Variants in FAM171B observed in about 807,000 individuals in gnomAD.
FAM171B encodes family with sequence similarity 171 member B, also known as protein FAM171B.
A neutral mutation model predicts 75.6 loss-of-function variants in FAM171B; 19 were observed. That is an observed-to-expected ratio of 0.25 (90% CI 0.18 to 0.37). The LOEUF (loss-of-function observed/expected upper bound fraction) is 0.37, where lower values mean the gene tolerates loss of function less well. Ranked by LOEUF, FAM171B falls within the 10% of genes least tolerant of loss-of-function variation. FAM171B has a pLI of 1.00. For missense variants in FAM171B, 848 were observed against 982.4 expected (o/e 0.86, Z 1.83); for synonymous variants, 367 against 361.7 (o/e 1.01, Z -0.17).
chr2:186,744,512 T>A (rs1361622490), intron 3 of FAM171B, among the ~76,000 whole-genome samples: 1 of 152,164 alleles, frequency 6.6e-6, no homozygotes, highest in Non-Finnish European at 1.5e-5. Context: ...ACATTTGAAA[T>A]ACCAAGATAT....
chr2:186,722,112 C>T (rs1689962524), intron 1 of FAM171B, among the ~76,000 whole-genome samples: 1 of 151,936 alleles, frequency 6.6e-6, no homozygotes, highest in Non-Finnish European at 1.5e-5. Context: ...TTGTAAACTC[C>T]CTGGAGTTTA....
intron 1 of FAM171B, among the ~76,000 whole-genome samples, chr2:186,701,472 T>G (rs879882330): frequency 2.0e-5 from 3 of 152,200 alleles, no homozygotes; most frequent in Non-Finnish European, 4.4e-5. Context: ...TATCTGCTAC[T>G]TTGTACTTTT....
chr2:186,710,664 C>CA (rs777983110), intron 1 of FAM171B, among the ~76,000 whole-genome samples: 4 of 152,254 alleles, frequency 2.6e-5, no homozygotes, highest in South Asian at 4.1e-4. Flanking sequence ...ACCCTTGCTG[C>CA]ATCATCTTGC....
At chr2:186,745,660 G>A (rs1321705904) in intron 3 of FAM171B, among the ~76,000 whole-genome samples, 1 of 152,228 alleles carries the variant, frequency 6.6e-6, no homozygotes, top group Non-Finnish European at 1.5e-5. Context: ...GGTTTGTACA[G>A]TGGAAATTAA....
rs768878361 is a variant in FAM171B, at chr2:186,740,429, C to T, written c.440C>T (p.Thr147Ile). The change falls in exon 2 of 8, where the codon ACC becomes ATC. Residue 147 changes from threonine (T) to isoleucine (I), a missense_variant. This residue lies in a region of FAM171B where 665 missense variants were observed against 729.0 expected (regional missense o/e 0.91). Transcript: ENST00000304698. Reference protein sequence around the residue: ...IIAYKDGYVLTPLPWKTRRMP... With the variant: ...IIAYKDGYVLIPLPWKTRRMP... ...GCTTACAAAGATGGCTACGTGTTGA[C>T]CCCTCTGCCTTGGAAAACCAGAAGA... 1 of 1,613,254 alleles carries T rather than the reference C, an allele frequency of 6.2e-7. No individual in the cohort carries two copies. The highest frequency in any genetic ancestry group is 8.5e-7 in the Non-Finnish European group (1 of 1,179,394).
At chr2:186,732,116 C>G (rs1690126002) in intron 1 of FAM171B, among the ~76,000 whole-genome samples, 1 of 152,084 alleles carries the variant, frequency 6.6e-6, no homozygotes, top group African/African-American at 2.4e-5. Flanking sequence ...TCTCTGAAAC[C>G]AGAGTCTGGT....
chr2:186,697,522 G>A (rs897202459), intron 1 of FAM171B, among the ~76,000 whole-genome samples: 7 of 152,052 alleles, frequency 4.6e-5, no homozygotes, highest in Non-Finnish European at 1.0e-4. Flanking sequence ...CCAAAATGTT[G>A]GTTTACAAGC....
At chr2:186,716,117 A>G (rs1471950621) in intron 1 of FAM171B, among the ~76,000 whole-genome samples, 1 of 152,104 alleles carries the variant, frequency 6.6e-6, no homozygotes, top group African/African-American at 2.4e-5. Context: ...GGATCAAGGG[A>G]TCTTCCCACC....
At position 186,761,839 on chromosome 2, in the gene FAM171B, C is replaced by T; in HGVS notation, c.1497C>T (p.Asn499=). 1 of 1,613,224 alleles carries T rather than the reference C, an allele frequency of 6.2e-7. No homozygotes were observed. The highest frequency in any genetic ancestry group is 8.5e-7 in the Non-Finnish European group (1 of 1,179,758). ...CCAAACAACCTAAACATATTAACAA[C>T]AATCTATCTTCATCTCTAGGTGATG... is the stretch of plus-strand genomic sequence containing the variant. ...VGSKQPKHIN[N]NLSSSLGDAQ... The change falls in exon 8 of 8, where the codon AAC becomes AAT. Residue 499 remains asparagine, a synonymous_variant. Coordinates refer to ENST00000304698, the MANE Select transcript of FAM171B (RefSeq NM_177454.4).
At chr2:186,742,663 A>G (rs1007827168) in intron 2 of FAM171B, among the ~76,000 whole-genome samples, 8 of 152,202 alleles carry the variant, frequency 5.3e-5, no homozygotes, top group African/African-American at 1.9e-4. Context: ...AATACACAGC[A>G]TAGAGGAAAG....
At chr2:186,730,286 T>G (rs1254672428) in intron 1 of FAM171B, among the ~76,000 whole-genome samples, 21 of 152,252 alleles carry the variant, frequency 1.4e-4, no homozygotes, top group Non-Finnish European at 1.5e-5. Context: ...CTCAATTTCC[T>G]TGCCTTAAAA....
intron 1 of FAM171B, among the ~76,000 whole-genome samples, chr2:186,696,093 G>A (rs2594701): frequency 0.082 from 12,422 of 152,116 alleles, 559 homozygotes; most frequent in South Asian, 0.12. Flanking sequence ...TCTGATATTT[G>A]TGAGGGAATA....
chr2:186,755,511 A>T (rs555937196), intron 6 of FAM171B, among the ~76,000 whole-genome samples: 44 of 152,306 alleles, frequency 2.9e-4, no homozygotes, highest in African/African-American at 1.0e-3. Flanking sequence ...TGGGTATTTC[A>T]TACTGATTAG....
intron 1 of FAM171B, among the ~76,000 whole-genome samples, chr2:186,724,732 A>T (rs1229639301): frequency 2.0e-5 from 3 of 152,162 alleles, no homozygotes; most frequent in African/African-American, 7.2e-5. Flanking sequence ...TCTAGGAGGA[A>T]GGAATTACCT....
intron 4 of FAM171B, among the ~76,000 whole-genome samples, chr2:186,750,184 G>T (rs1390571766): frequency 1.3e-5 from 2 of 152,080 alleles, no homozygotes; most frequent in Non-Finnish European, 2.9e-5. Context: ...TAGAAATACT[G>T]TAATTTTAAC....
chr2:186,747,310 C>A, intron 4 of FAM171B, 60 bp downstream of exon 4: 1 of 1,196,170 alleles, frequency 8.4e-7, no homozygotes, highest in Non-Finnish European at 1.1e-6. Flanking sequence ...AATCTTTCAT[C>A]AAATATTTAG....
chr2:186,733,771 G>C (rs1362957782), intron 1 of FAM171B, among the ~76,000 whole-genome samples: 1 of 152,162 alleles, frequency 6.6e-6, no homozygotes, highest in Non-Finnish European at 1.5e-5. Flanking sequence ...CAAGGCTGTG[G>C]CTGGAACAGG....
intron 1 of FAM171B, among the ~76,000 whole-genome samples, chr2:186,719,905 AC>A (rs1479105491): frequency 2.0e-5 from 3 of 152,266 alleles, no homozygotes; most frequent in Non-Finnish European, 4.4e-5. Flanking sequence ...TTAGGTCTAA[AC>A]ATACAGTAAT....
rs1559095175 is a variant in FAM171B, at chr2:186,762,823, A to C, written c.2481A>C (p.Ter827TyrextTer85). The C allele has an allele frequency of 6.2e-7, 1 of 1,606,738 alleles. No homozygotes were observed. The highest frequency in any genetic ancestry group is 8.5e-7 in the Non-Finnish European group (1 of 1,176,300). Reference sequence around the variant, plus strand: ...AACGCCCACTGATTCCCATAAATTAACTCCAATGGGGATTGTGTGTCTGCT... The same window carrying C: ...AACGCCCACTGATTCCCATAAATTACCTCCAATGGGGATTGTGTGTCTGCT... ...REERPLIPIN[*>Y] Residue 827 changes from the stop codon to tyrosine, a stop_lost, in exon 8 of 8, where the codon TAA (stop) becomes TAC (tyrosine). Coordinates refer to ENST00000304698, the MANE Select transcript of FAM171B (RefSeq NM_177454.4). This position sits in a 1 kb window ranked among gnomAD's most constrained non-coding sequence, Gnocchi z 4.0.
Sources: allele counts gnomAD v4.1 joint callset (sites outside exome capture counted in the v4.1 genomes callset), GRCh38; gene constraint gnomAD v4.1.1; regional missense constraint gnomAD v4.1.1; non-coding constraint Gnocchi (gnomAD v3.1); transcripts MANE v1.5; gene names NCBI Gene and HGNC (gene_info 2026-07-23, HGNC 2026-07-21).